SPTAN1: variants seen among roughly 807,000 people sequenced by gnomAD.
The protein encoded by SPTAN1 is spectrin alpha, non-erythrocytic 1, also known as spectrin alpha chain, non-erythrocytic 1.
SPTAN1 carries 61 observed loss-of-function variants against 331.3 expected under a neutral mutation model. The ratio of observed to expected loss-of-function variants is 0.18; its 90% CI spans 0.15 to 0.23. The LOEUF is 0.23. SPTAN1 is among the 10% of genes least tolerant of loss of function. The pLI is 1.00. For missense variants in SPTAN1, 2,043 were observed against 3,147.9 expected (o/e 0.65, Z 8.40); for synonymous variants, 1,153 against 1,173.9 (o/e 0.98, Z 0.36).
Position 128,608,940 on chromosome 9 carries a change from G to A in SPTAN1, c.4558G>A (p.Gly1520Arg), listed in dbSNP as rs374801331. The change falls in exon 35 of 57, where the codon GGA becomes AGA. Residue 1520 changes from glycine to arginine, a missense_variant. Transcript: ENST00000372739. ...CATCGCTGCCGGCCATTATGCCAAG[G>A]GAGACATTTCTAGCCGGCGCAATGA... ...QLIAAGHYAK[G>R]DISSRRNEVL... 36 of 1,614,216 alleles carry A rather than the reference G, an allele frequency of 2.2e-5. No individual in the cohort carries two copies. The highest frequency in any genetic ancestry group is 3.1e-5 in the Non-Finnish European group (36 of 1,180,034).
Position 128,576,947 on chromosome 9 carries a change from G to A in SPTAN1, c.776G>A (p.Arg259His), listed in dbSNP as rs772367229. ...CTCTTTGGGGCAGCAGAAGTTCAGC[G>A]CTTTAACAGGTGTCAAGCCAGAGTG... ...GKLFGAAEVQ[R>H]FNRDVDETIS... Residue 259 changes from arginine (R) to histidine (H), a missense_variant, in exon 6 of 57, where the codon CGC becomes CAC. Arg to His is a conservative substitution (Grantham distance 29). Coordinates refer to ENST00000372739, the MANE Select transcript of SPTAN1 (RefSeq NM_001130438.3). 18 of 1,614,022 alleles carry A rather than the reference G, an allele frequency of 1.1e-5. No individual in the cohort carries two copies. Among genetic ancestry groups the A allele is most frequent in the Non-Finnish European group, 1.4e-5 (16 of 1,180,042 alleles).
At chr9:128,578,268 C>T (rs1445987568) in intron 9 of SPTAN1, 23 bp downstream of exon 9, 1 of 1,613,150 alleles carries the variant, frequency 6.2e-7, no homozygotes, top group Non-Finnish European at 8.5e-7. Flanking sequence ...CTAGAATCTT[C>T]CAGAAGTGAA....
At chr9:128,579,546 T>C in intron 9 of SPTAN1, 91 bp from the exon 10 acceptor site, 1 of 950,846 alleles carries the variant, frequency 1.1e-6, no homozygotes, top group Non-Finnish European at 1.7e-6. Flanking sequence ...TGTCATAGTC[T>C]GGCTTATAAT....
intron 3 of SPTAN1, among the ~76,000 whole-genome samples, chr9:128,570,328 ATATTTTTTTTTTT>A (rs1209848718): frequency 3.1e-4 from 23 of 73,564 alleles, no homozygotes; most frequent in South Asian, 1.1e-3. Flanking sequence ...ATATATATAT[ATATTTTTTTTTTT>A]TTTTTTTTTT....
intron 44 of SPTAN1, 140 bp downstream of exon 44, chr9:128,619,143 GT>G: frequency 1.6e-6 from 2 of 1,269,170 alleles, no homozygotes; most frequent in Non-Finnish European, 1.1e-6. Flanking sequence ...TCAGTAGTTG[GT>G]TTTAGCCCTC....
At position 128,626,515 on chromosome 9, in the gene SPTAN1, G is replaced by A. The variant is rs373259652; in HGVS notation, c.6404G>A (p.Arg2135His). ...CNSLEEIKAL[R>H]EAHDAFRSSL... ...TCCTTGGAAGAAATCAAAGCTTTGC[G>A]CGAGGCCCACGACGCCTTCCGCTCC... Residue 2135 changes from arginine (R) to histidine (H), a missense_variant, in exon 49 of 57, where the codon CGC (arginine) becomes CAC (histidine). Physicochemically the swap from Arg to His is conservative, Grantham distance 29. Around this residue, in one of 12 missense-constraint regions of SPTAN1, gnomAD observed 256 missense variants for 376.4 expected, o/e 0.68. Coordinates refer to ENST00000372739, the MANE Select transcript of SPTAN1 (RefSeq NM_001130438.3). 8 of 1,613,842 alleles carry A rather than the reference G, an allele frequency of 5.0e-6. No individual in the cohort carries two copies. Among genetic ancestry groups the A allele is most frequent in the East Asian group, 2.2e-5 (1 of 44,860 alleles).
At chr9:128,572,099 A>G (rs1589166956) in intron 3 of SPTAN1, among the ~76,000 whole-genome samples, 2 of 152,148 alleles carry the variant, frequency 1.3e-5, no homozygotes, top group African/African-American at 4.8e-5. Context: ...AGCTCAAGCA[A>G]TCCGCCTGCC....
chr9:128,624,338 A>G lies in SPTAN1; in HGVS notation c.5843A>G (p.His1948Arg), dbSNP rs1858410449. ...GQDLIKKNNHHEENISSKMKG... is the reference protein window; with the variant it reads ...GQDLIKKNNHREENISSKMKG... Reference sequence around the variant, plus strand: ...CTCTCCATGGCCTAGAACAATCACCATGAGGAGAACATCTCTTCAAAGATG... The same window carrying G: ...CTCTCCATGGCCTAGAACAATCACCGTGAGGAGAACATCTCTTCAAAGATG... The change falls in exon 46 of 57, where the codon CAT becomes CGT. Residue 1948 changes from histidine (H) to arginine (R), a missense_variant. Transcript: ENST00000372739. 1 of 1,613,888 alleles carries G rather than the reference A, an allele frequency of 6.2e-7. No individual in the cohort carries two copies. Among genetic ancestry groups the G allele is most frequent in the Non-Finnish European group, 8.5e-7 (1 of 1,179,972 alleles).
intron 1 of SPTAN1, among the ~76,000 whole-genome samples, chr9:128,559,218 C>G (rs1442376123): frequency 1.3e-5 from 2 of 152,130 alleles, no homozygotes; most frequent in East Asian, 1.9e-4. Context: ...ATAGAATTGA[C>G]TCGTTCTACT....
At chr9:128,621,105 C>T in intron 44 of SPTAN1, 53 bp from the exon 45 acceptor site, 2 of 1,553,168 alleles carry the variant, frequency 1.3e-6, no homozygotes, top group Non-Finnish European at 1.8e-6. Context: ...CGGGGCCTAG[C>T]CCACAACACA....
At chr9:128,564,767 A>G (rs1849820909) in intron 1 of SPTAN1, among the ~76,000 whole-genome samples, 1 of 152,198 alleles carries the variant, frequency 6.6e-6, no homozygotes, top group South Asian at 2.1e-4. Context: ...TACCCATTTC[A>G]GCTGGGTGTT....
At chr9:128,592,862 C>A (rs1589250613) in intron 22 of SPTAN1, 121 bp from the exon 23 acceptor site, 1 of 914,324 alleles carries the variant, frequency 1.1e-6, no homozygotes, top group East Asian at 2.6e-5. Flanking sequence ...TGTTGAATAA[C>A]TCCATAGTTT....
At chr9:128,606,374 CAAAAAAA>C (rs59257779) in intron 31 of SPTAN1, among the ~76,000 whole-genome samples, 3,687 of 58,944 alleles carry the variant, frequency 0.063, 354 homozygotes, top group African/African-American at 0.2. Flanking sequence ...GACTCTGCCT[CAAAAAAA>C]AAAAAAAAAA....
chr9:128,576,747 G>T (rs998514894), intron 5 of SPTAN1, 76 bp from the exon 6 acceptor site: 3 of 1,588,266 alleles, frequency 1.9e-6, no homozygotes, highest in African/African-American at 2.7e-5. Flanking sequence ...GATGCTTCAA[G>T]GAACCAACCC....
At chr9:128,607,515 C>T in intron 31 of SPTAN1, 89 bp from the exon 32 acceptor site, 2 of 1,179,086 alleles carry the variant, frequency 1.7e-6, no homozygotes, top group South Asian at 2.5e-5. Context: ...CTTTCTGAGG[C>T]AAGAATTATG....
intron 25 of SPTAN1, chr9:128,598,714 C>G: frequency 1.5e-6 from 1 of 649,356 alleles, no homozygotes; most frequent in Non-Finnish European, 2.7e-6. Flanking sequence ...GGGGTGGGGG[C>G]TTCTGTCTTC....
intron 31 of SPTAN1, among the ~76,000 whole-genome samples, chr9:128,605,876 C>T (rs1855772497): frequency 6.6e-6 from 1 of 151,894 alleles, no homozygotes; most frequent in Non-Finnish European, 1.5e-5. Flanking sequence ...TCTGTAATCC[C>T]AGCTACTCAG....
intron 1 of SPTAN1, among the ~76,000 whole-genome samples, chr9:128,556,479 TA>T (rs1848651699): frequency 6.6e-6 from 1 of 152,212 alleles, no homozygotes. Context: ...TGAGTCATAG[TA>T]ACAATAAGGA....
intron 45 of SPTAN1, among the ~76,000 whole-genome samples, chr9:128,623,155 C>T (rs991043096): frequency 6.7e-5 from 10 of 150,004 alleles, no homozygotes; most frequent in African/African-American, 2.0e-4. Context: ...TCCCGGGTTT[C>T]AGCAGTTCTC....
Sources: gnomAD v4.1 joint callset for allele counts (sites outside exome capture counted in the v4.1 genomes callset) on GRCh38, gnomAD v4.1.1 for gene constraint, gnomAD v4.1.1 regional missense constraint, MANE v1.5 for transcripts, NCBI Gene and HGNC (gene_info 2026-07-23, HGNC 2026-07-21) for gene names.